The following HIVEP3 variants were observed in gnomAD, a reference collection of about 807,000 sequenced individuals.
HIVEP3 encodes transcription factor HIVEP3.
A neutral mutation model predicts 152.8 loss-of-function variants in HIVEP3; 49 were observed. That is an observed-to-expected ratio of 0.32 (90% CI 0.26 to 0.41). The LOEUF is 0.41. Among genes scored for constraint, HIVEP3 ranks in the 10% least tolerant of loss-of-function variants. The pLI, the probability that HIVEP3 is intolerant of heterozygous loss-of-function variation, is 1.00. For missense variants in HIVEP3, 2,790 were observed against 3,103.3 expected, an observed-to-expected ratio of 0.90 and a Z score of 2.40; for synonymous variants, 1,269 against 1,289.0, an observed-to-expected ratio of 0.98 and a Z score of 0.33.
Position 41,533,678 on chromosome 1 carries a change from T to A in HIVEP3, c.5208-8768A>T, listed in dbSNP as rs1643325413. Among the ~76,000 whole-genome samples, 1 of 151,648 alleles carries A rather than the reference T, an allele frequency of 6.6e-6. No homozygotes were observed. Among genetic ancestry groups the A allele is most frequent in the African/African-American group, 2.4e-5 (1 of 41,222 alleles). On this transcript the variant is annotated intron_variant, in intron 5 of 8. Transcript: ENST00000372583. This position sits in a 1 kb window ranked among gnomAD's most constrained non-coding sequence, Gnocchi z 4.3. ...TCCTGCTTGTGTCTCCTTTGCAAGC[T>A]CCTTTTTTGCCCACCCTTTCCCATG... is the stretch of plus-strand genomic sequence containing the variant.
At chr1:41,998,159 G>A (rs1422722026) in intron 1 of HIVEP3, among the ~76,000 whole-genome samples, 1 of 151,906 alleles carries the variant, frequency 6.6e-6, no homozygotes, top group Non-Finnish European at 1.5e-5. Flanking sequence ...TTAACAAGGG[G>A]ATAAATATAA....
chr1:41,728,752 G>A (rs952489992), intron 1 of HIVEP3, among the ~76,000 whole-genome samples: 2 of 152,210 alleles, frequency 1.3e-5, no homozygotes, highest in African/African-American at 4.8e-5. Flanking sequence ...AGACAGACAC[G>A]GGAATTCCCC....
chr1:41,977,888 T>C (rs772392657), intron 1 of HIVEP3, among the ~76,000 whole-genome samples: 2 of 152,190 alleles, frequency 1.3e-5, no homozygotes, highest in Non-Finnish European at 2.9e-5. Flanking sequence ...AGTCAAACTT[T>C]AGAAGCATGC....
chr1:41,617,355 T>G (rs922597624), intron 3 of HIVEP3, among the ~76,000 whole-genome samples: 1 of 152,226 alleles, frequency 6.6e-6, no homozygotes. Context: ...ATCGTCCTAA[T>G]AATGAGCCAT....
intron 1 of HIVEP3, among the ~76,000 whole-genome samples, chr1:42,035,282 C>T (rs1645634579): frequency 6.6e-6 from 1 of 152,240 alleles, no homozygotes; most frequent in African/African-American, 2.4e-5. Context: ...CCTCCCGGCC[C>T]AGAGCCGGGA....
intron 1 of HIVEP3, among the ~76,000 whole-genome samples, chr1:42,002,483 G>A (rs1645433820): frequency 6.6e-6 from 1 of 152,196 alleles, no homozygotes; most frequent in Non-Finnish European, 1.5e-5. Flanking sequence ...TGCCAGGAAA[G>A]ATCAGGACTG....
chr1:41,932,959 T>G (rs1645002693), intron 1 of HIVEP3, among the ~76,000 whole-genome samples: 1 of 151,972 alleles, frequency 6.6e-6, no homozygotes, highest in African/African-American at 2.4e-5. Context: ...TGTTGTTTCA[T>G]CTCCATACAT....
chr1:41,523,276 C>T (rs758672014), intron 6 of HIVEP3, among the ~76,000 whole-genome samples: 1 of 152,178 alleles, frequency 6.6e-6, no homozygotes, highest in African/African-American at 2.4e-5. Context: ...TGGAAGACAC[C>T]TTCGAAGCAC....
chr1:41,561,907 C>A (rs548029592), intron 5 of HIVEP3, among the ~76,000 whole-genome samples: 2 of 152,200 alleles, frequency 1.3e-5, no homozygotes, highest in South Asian at 4.2e-4. Context: ...ACATGGCCAC[C>A]AAAGACACAC....
intron 5 of HIVEP3, among the ~76,000 whole-genome samples, chr1:41,527,804 C>T (rs375305976): frequency 7.1e-6 from 1 of 140,446 alleles, no homozygotes; most frequent in East Asian, 2.3e-4. Context: ...ACACTCTACA[C>T]CCTACCCTCC....
chr1:41,823,493 C>T (rs1189770334), intron 1 of HIVEP3, among the ~76,000 whole-genome samples: 1 of 152,210 alleles, frequency 6.6e-6, no homozygotes, highest in Non-Finnish European at 1.5e-5. Flanking sequence ...ATGTTCTGTG[C>T]CACATGCCAA....
At position 41,628,801 on chromosome 1, in the gene HIVEP3, G is replaced by A; in HGVS notation, c.-574C>T. On this transcript the variant is annotated 5_prime_UTR_variant, in exon 3 of 9. An upstream open reading frame in the 5' UTR gains an earlier in-frame stop. Coordinates refer to ENST00000372583, the MANE Select transcript of HIVEP3 (RefSeq NM_024503.5). Reference sequence around the variant, plus strand: ...CCAAAACTGAAACGCTGTTCTCTCTGAAAGCCAGCATTCATGTCCACTCCT... The same window carrying A: ...CCAAAACTGAAACGCTGTTCTCTCTAAAAGCCAGCATTCATGTCCACTCCT... 1 of 1,231,976 alleles carries A rather than the reference G, an allele frequency of 8.1e-7. No homozygotes were observed. Among genetic ancestry groups the A allele is most frequent in the Non-Finnish European group, 1.0e-6 (1 of 987,924 alleles). 76.3% of individuals were successfully genotyped at this position (1,231,976 alleles called of 1,614,324 possible).
At chr1:41,959,321 T>C (rs908704905) in intron 1 of HIVEP3, among the ~76,000 whole-genome samples, 4 of 152,228 alleles carry the variant, frequency 2.6e-5, no homozygotes, top group African/African-American at 9.6e-5. Context: ...ATTCCAGGTA[T>C]AGATTTATTT....
At chr1:41,699,363 C>T (rs747844375) in intron 2 of HIVEP3, among the ~76,000 whole-genome samples, 10 of 152,242 alleles carry the variant, frequency 6.6e-5, no homozygotes, top group South Asian at 2.1e-4. Context: ...TCCTGTGAGA[C>T]GACAGGTGTG....
intron 1 of HIVEP3, among the ~76,000 whole-genome samples, chr1:41,852,927 T>C (rs1553122879): frequency 6.6e-6 from 1 of 152,200 alleles, no homozygotes; most frequent in Non-Finnish European, 1.5e-5. Context: ...AAGTTGTCCT[T>C]GGGAAGACAA....
chr1:41,608,659 T>C (rs1329198183), intron 3 of HIVEP3, among the ~76,000 whole-genome samples: 3 of 152,266 alleles, frequency 2.0e-5, no homozygotes, highest in Non-Finnish European at 4.4e-5. Context: ...TTTTCTGCTC[T>C]GATTGCTCTG....
chr1:41,651,908 T>G (rs1404816959), intron 2 of HIVEP3, among the ~76,000 whole-genome samples: 1 of 152,258 alleles, frequency 6.6e-6, no homozygotes, highest in Non-Finnish European at 1.5e-5. Context: ...TATCTGTTTA[T>G]CTTTTGCACA....
At chr1:41,611,807 C>T (rs1644901862) in intron 3 of HIVEP3, among the ~76,000 whole-genome samples, 1 of 152,210 alleles carries the variant, frequency 6.6e-6, no homozygotes. Flanking sequence ...ATATGGTATT[C>T]ACTAGAGTTG....
chr1:41,622,629 T>C (rs1362582304), intron 3 of HIVEP3, among the ~76,000 whole-genome samples: 2 of 152,236 alleles, frequency 1.3e-5, no homozygotes, highest in Non-Finnish European at 1.5e-5. Flanking sequence ...TCAAATACTA[T>C]CTGGCCATTC....
Sources: gnomAD v4.1 joint callset for allele counts (sites outside exome capture counted in the v4.1 genomes callset) on GRCh38, gnomAD v4.1.1 for gene constraint, Gnocchi (gnomAD v3.1) non-coding constraint, MANE v1.5 for transcripts, NCBI Gene and HGNC (gene_info 2026-07-23, HGNC 2026-07-21) for gene names.